Variants in FTO observed in about 807,000 individuals in gnomAD.
FTO encodes the protein FTO alpha-ketoglutarate dependent dioxygenase, also known as alpha-ketoglutarate-dependent dioxygenase FTO.
In FTO, 47 loss-of-function variants were observed where a neutral mutation model predicts 63.9. The observed-to-expected ratio is 0.74, with a 90% CI of 0.58 to 0.94. The LOEUF is 0.94. FTO is among the 40% of genes least tolerant of loss of function. The pLI is 0.00. For synonymous variants in FTO, 207 were observed against 224.4 expected (o/e 0.92, Z 0.69); for missense variants, 562 against 618.1 (o/e 0.91, Z 0.96).
intron 1 of FTO, among the ~76,000 whole-genome samples, chr16:53,799,685 C>T (rs116417718): frequency 1.2e-3 from 178 of 152,238 alleles, no homozygotes; most frequent in African/African-American, 3.8e-3. Context: ...CCTACTTAGC[C>T]GAGGTCTTTT....
chr16:54,055,711 C>T (rs73621707), intron 8 of FTO, among the ~76,000 whole-genome samples: 25 of 152,162 alleles, frequency 1.6e-4, no homozygotes, highest in African/African-American at 6.0e-4. Context: ...AATGTATGCC[C>T]ATGTCTATTA....
intron 8 of FTO, chr16:53,993,086 G>A (rs552589290): frequency 4.6e-5 from 7 of 152,182 alleles, no homozygotes; most frequent in South Asian, 2.1e-4. Flanking sequence ...TACTTTTCTC[G>A]TTCTCTCCCC....
chr16:54,111,176 A>C (rs2086876578), intron 8 of FTO, among the ~76,000 whole-genome samples: 3 of 152,176 alleles, frequency 2.0e-5, no homozygotes, highest in Admixed American at 2.0e-4. Context: ...CCACCTCTTC[A>C]TCAGTGGAAA....
chr16:54,071,202 C>T (rs1420330018), intron 8 of FTO: 1 of 152,202 alleles, frequency 6.6e-6, no homozygotes, highest in Non-Finnish European at 1.5e-5. Context: ...GTCCAGTTAA[C>T]AGAAGGGTGA....
intron 7 of FTO, among the ~76,000 whole-genome samples, chr16:53,931,298 C>CTTTTT (rs869204000): frequency 3.9e-5 from 4 of 101,964 alleles, no homozygotes; most frequent in East Asian, 2.9e-4. Flanking sequence ...AACTATGTGA[C>CTTTTT]TTTTTTTTTT....
chr16:54,006,506 C>T lies in FTO; in HGVS notation c.1364+72397C>T, dbSNP rs116208286. ...TTAAGATATTTTATGAATCAGAACC[C>T]ACAGTAAAGAAATAATGGGAAATAC... On this transcript the variant is annotated intron_variant, in intron 8 of 8. Coordinates refer to ENST00000471389, the MANE Select transcript of FTO (RefSeq NM_001080432.3). Among the ~76,000 whole-genome samples, 757 of 152,216 alleles carry T rather than the reference C, an allele frequency of 5.0e-3. 12 individuals are homozygous for T. The highest frequency in any genetic ancestry group is 0.018 in the African/African-American group (728 of 41,534).
chr16:54,008,092 AGTT>A (rs2144050028), intron 8 of FTO, among the ~76,000 whole-genome samples: 1 of 152,298 alleles, frequency 6.6e-6, no homozygotes, highest in South Asian at 2.1e-4. Flanking sequence ...CTCCTTTACA[AGTT>A]GTTGACAATT....
chr16:54,093,026 GAAC>G (rs1243311886), intron 8 of FTO, among the ~76,000 whole-genome samples: 1 of 152,154 alleles, frequency 6.6e-6, no homozygotes, highest in Non-Finnish European at 1.5e-5. Context: ...CCATACATTT[GAAC>G]AAAATAAATT....
chr16:53,755,633 G>A (rs2076904933), intron 1 of FTO, among the ~76,000 whole-genome samples: 1 of 152,186 alleles, frequency 6.6e-6, no homozygotes, highest in Non-Finnish European at 1.5e-5. Context: ...GCTTCTTTGA[G>A]TCATGGACTT....
At chr16:53,890,199 T>A (rs540279313) in intron 7 of FTO, among the ~76,000 whole-genome samples, 4 of 152,208 alleles carry the variant, frequency 2.6e-5, no homozygotes, top group Non-Finnish European at 4.4e-5. Context: ...CTGGAAACAA[T>A]GAACTAATCT....
rs1209626058 is a variant in FTO at position 53,979,285 on chromosome 16, A to G, written c.1364+45176A>G. On this transcript the variant is annotated intron_variant, in intron 8 of 8. Coordinates refer to ENST00000471389, the MANE Select transcript of FTO (RefSeq NM_001080432.3). ...AATTACTAGGTAAAGGAGAGTGTACATTGTAAGTTCCTAACAAATTACAGG... is the reference window on the plus strand; with the variant it reads ...AATTACTAGGTAAAGGAGAGTGTACGTTGTAAGTTCCTAACAAATTACAGG... 4.3e-5 allele frequency: 17 copies of G among 397,086 alleles called. 1 individual carries two copies. Among genetic ancestry groups the G allele is most frequent in the African/African-American group, 8.2e-5 (4 of 48,606 alleles). The allele number at this position is 397,086 out of a possible 1,614,324, so 24.6% of individuals were successfully genotyped here. A position where few individuals can be genotyped will look rare whatever the true frequency, so the allele number is the denominator to read the frequency against.
intron 8 of FTO, among the ~76,000 whole-genome samples, chr16:53,938,175 A>T (rs534699117): frequency 6.6e-6 from 1 of 152,338 alleles, no homozygotes; most frequent in Admixed American, 6.5e-5. Context: ...AGTACTAAAT[A>T]TATGTGTGAC....
At chr16:54,062,172 A>G (rs141464246) in intron 8 of FTO, among the ~76,000 whole-genome samples, 5 of 152,254 alleles carry the variant, frequency 3.3e-5, no homozygotes, top group African/African-American at 1.2e-4. Context: ...GAAGCAGTCA[A>G]CTCGTGGAAA....
intron 8 of FTO, among the ~76,000 whole-genome samples, chr16:53,957,801 T>C (rs2082964889): frequency 6.6e-6 from 1 of 152,238 alleles, no homozygotes; most frequent in Non-Finnish European, 1.5e-5. Flanking sequence ...TATTTATTCA[T>C]TGGAGTTGAA....
chr16:53,753,541 A>G (rs1347362219), intron 1 of FTO, among the ~76,000 whole-genome samples: 1 of 151,998 alleles, frequency 6.6e-6, no homozygotes, highest in Admixed American at 6.6e-5. Context: ...CCCTAGGAGG[A>G]CCCATAATTT....
chr16:53,714,882 TA>T (rs1337721158), intron 1 of FTO, among the ~76,000 whole-genome samples: 1 of 152,128 alleles, frequency 6.6e-6, no homozygotes, highest in Non-Finnish European at 1.5e-5. Context: ...CCCTGCTGCT[TA>T]AATTGCCCCA....
intron 4 of FTO, among the ~76,000 whole-genome samples, chr16:53,858,920 A>G (rs939413951): frequency 6.6e-6 from 1 of 152,056 alleles, no homozygotes. Context: ...CGGCCTCCCA[A>G]AGTGCTGGGA....
intron 1 of FTO, among the ~76,000 whole-genome samples, chr16:53,805,961 G>A (rs2078355733): frequency 6.6e-6 from 1 of 152,202 alleles, no homozygotes; most frequent in Non-Finnish European, 1.5e-5. Flanking sequence ...GAGCAGAGCA[G>A]TGTGCTGCAG....
In FTO at chr16:54,111,946, AAG is replaced by A. The variant is rs2086900331; in HGVS notation, c.*35_*36del. 2 of 1,613,510 alleles carry A rather than the reference AAG, an allele frequency of 1.2e-6. No individual in the cohort carries two copies. The highest frequency in any genetic ancestry group is 1.7e-6 in the Non-Finnish European group (2 of 1,179,740). ...GCACAAGTCTCAGGCGGAGGAGAAAAAGAGATCGGCTTTTCTCCTCCAACGTT... is the reference window on the plus strand; with the variant it reads ...GCACAAGTCTCAGGCGGAGGAGAAAAAGATCGGCTTTTCTCCTCCAACGTT... On this transcript the variant is annotated 3_prime_UTR_variant, in exon 9 of 9. Transcript: ENST00000471389.
Sources: gnomAD v4.1 joint callset for allele counts (sites outside exome capture counted in the v4.1 genomes callset) on GRCh38, gnomAD v4.1.1 for gene constraint, MANE v1.5 for transcripts, NCBI Gene and HGNC (gene_info 2026-07-23, HGNC 2026-07-21) for gene names.